Variants in ISY1 observed in about 807,000 individuals in gnomAD.
ISY1 encodes the protein pre-mRNA-splicing factor ISY1 homolog.
Under a neutral mutation model 54.4 loss-of-function variants are expected in ISY1, and 12 were observed. The observed-to-expected ratio is 0.22, with a 90% CI of 0.14 to 0.36. The LOEUF (loss-of-function observed/expected upper bound fraction) is 0.36. ISY1 is among the 10% of genes least tolerant of loss of function. The pLI is 1.00. For synonymous variants in ISY1, 96 were observed against 117.9 expected, an observed-to-expected ratio of 0.81 and a Z score of 1.20; for missense variants, 282 against 342.2, an observed-to-expected ratio of 0.82 and a Z score of 1.39.
chr3:129,145,214 G>A (rs1936732103), intron 6 of ISY1, among the ~76,000 whole-genome samples: 1 of 136,786 alleles, frequency 7.3e-6, no homozygotes, highest in South Asian at 2.5e-4. Flanking sequence ...CCCAGTGAAG[G>A]ACCATAGTCA....
chr3:129,132,171 C>T (rs1936255263), intron 9 of ISY1, among the ~76,000 whole-genome samples: 1 of 152,054 alleles, frequency 6.6e-6, no homozygotes, highest in Non-Finnish European at 1.5e-5. Context: ...TGGATCTCCA[C>T]ACATGGAGAC....
chr3:129,158,083 T>A (rs1041086490), intron 3 of ISY1, among the ~76,000 whole-genome samples: 1 of 151,670 alleles, frequency 6.6e-6, no homozygotes, highest in Non-Finnish European at 1.5e-5. Context: ...GGCCTCAAAC[T>A]CCTGTCCTCA....
rs11324480 is a variant in ISY1, at chr3:129,142,207, GAA to G, written c.301-1724_301-1723del. Among the ~76,000 whole-genome samples, 499 of 120,610 alleles carry G rather than the reference GAA, an allele frequency of 4.1e-3. 1 individual carries two copies. The highest frequency in any genetic ancestry group is 0.011 in the South Asian group (40 of 3,560). 79.1% of individuals were successfully genotyped at this position (120,610 alleles called of 152,430 possible). On this transcript the variant is annotated intron_variant, in intron 6 of 10. Transcript: ENST00000393295. ...GGACGACAGAGCGAGACTCTGTCTC[GAA>G]AAAAAAAAAAAAAAAGACGATTTGA...
Position 129,145,891 on chromosome 3 carries a change from TAAC to T in ISY1, c.188-21_188-19del. 1 of 1,612,774 alleles carries T rather than the reference TAAC, an allele frequency of 6.2e-7. No homozygotes were observed. Among genetic ancestry groups the T allele is most frequent in the Non-Finnish European group, 8.5e-7 (1 of 1,178,898 alleles). On this transcript the variant is annotated intron_variant, in intron 5 of 10. Transcript: ENST00000393295. The stretch of plus-strand genomic sequence containing the variant: ...TAAACCAGCTAGAAAACAAAAAGGT[TAAC>T]AATATCATTCCATAAAAATGAATGT...
At chr3:129,134,237 A>G (rs1936325474) in intron 8 of ISY1, 42 bp from the exon 9 acceptor site, 2 of 1,613,150 alleles carry the variant, frequency 1.2e-6, no homozygotes, top group Non-Finnish European at 1.7e-6. Context: ...TTGTCTCTAA[A>G]TGAGCTTTCA....
intron 3 of ISY1, among the ~76,000 whole-genome samples, chr3:129,157,212 T>C (rs143305281): frequency 6.6e-6 from 1 of 152,118 alleles, no homozygotes; most frequent in African/African-American, 2.4e-5. Flanking sequence ...TAAGAAACAA[T>C]GTCTATCAGT....
chr3:129,127,618 C>T lies in ISY1; in HGVS notation c.*2463G>A, dbSNP rs562517115. The T allele has an allele frequency of 6.6e-6, 1 of 152,218 alleles. No homozygotes were observed. Among genetic ancestry groups the T allele is most frequent in the Non-Finnish European group, 1.5e-5 (1 of 68,078 alleles). 9.4% of individuals were successfully genotyped at this position (152,218 alleles called of 1,614,324 possible). ...ACCCTCTAGGGCCTTTGGGCACAGA[C>T]AAGTAGCAAGGGCCTCTGCCAGGAA... On this transcript the variant is annotated 3_prime_UTR_variant, in exon 11 of 11. Transcript: ENST00000393295.
At chr3:129,145,150 C>CTTA (rs1281424733) in intron 6 of ISY1, among the ~76,000 whole-genome samples, 2 of 152,004 alleles carry the variant, frequency 1.3e-5, no homozygotes, top group Non-Finnish European at 2.9e-5. Flanking sequence ...TGCTCAAGGG[C>CTTA]TTATCCTGTC....
chr3:129,161,030 A>G lies in ISY1; in HGVS notation c.-55T>C. Reference sequence around the variant, plus strand: ...CCGCGGCCCCTGTCCAAGAAACTCCACAGGCCCAGAAGACGCCGACGCTCA... The same window carrying G: ...CCGCGGCCCCTGTCCAAGAAACTCCGCAGGCCCAGAAGACGCCGACGCTCA... On this transcript the variant is annotated 5_prime_UTR_variant, in exon 1 of 11. Transcript: ENST00000393295. 4.6e-6 allele frequency: 7 copies of G among 1,531,164 alleles called. No homozygotes were observed. The highest frequency in any genetic ancestry group is 6.2e-6 in the Non-Finnish European group (7 of 1,134,912). 94.8% of individuals were successfully genotyped at this position (1,531,164 alleles called of 1,614,324 possible). A position where few individuals can be genotyped will look rare whatever the true frequency, so the allele number is the denominator to read the frequency against.
intron 1 of ISY1, among the ~76,000 whole-genome samples, chr3:129,160,429 G>C (rs1395070669): frequency 2.0e-5 from 3 of 151,868 alleles, no homozygotes; most frequent in African/African-American, 7.3e-5. Flanking sequence ...ACCACAGAGA[G>C]CACACCCTCA....
Position 129,156,835 on chromosome 3 carries a change from C to G in ISY1, c.144+20G>C, listed in dbSNP as rs1937157313. On this transcript the variant is annotated intron_variant, in intron 4 of 10. Coordinates refer to ENST00000393295, the MANE Select transcript of ISY1 (RefSeq NM_020701.4). The stretch of plus-strand genomic sequence containing the variant: ...AGAGACTTGTTACTTCTACTGAAAT[C>G]AGATTTACCCAGAACATACCTGTCG... 1 of 1,608,116 alleles carries G rather than the reference C, an allele frequency of 6.2e-7. No individual in the cohort carries two copies. Among genetic ancestry groups the G allele is most frequent in the African/African-American group, 1.3e-5 (1 of 74,564 alleles).
rs139146214 is a variant in ISY1 at position 129,143,827 on chromosome 3, A to G, written c.300+1934T>C. Reference sequence around the variant, plus strand: ...TATGACATTCATACAAAAACAACGGAAGGAGAAAAAAGATAAAGAGCATAT... The same window carrying G: ...TATGACATTCATACAAAAACAACGGGAGGAGAAAAAAGATAAAGAGCATAT... On this transcript the variant is annotated intron_variant, in intron 6 of 10. Coordinates refer to ENST00000393295, the MANE Select transcript of ISY1 (RefSeq NM_020701.4). Among the ~76,000 whole-genome samples, 1,094 of 152,218 alleles carry G rather than the reference A, an allele frequency of 7.2e-3. 7 individuals carry two copies. Among genetic ancestry groups the G allele is most frequent in the African/African-American group, 0.02 (827 of 41,574 alleles).
At chr3:129,155,873 T>C (rs1282556647) in intron 5 of ISY1, among the ~76,000 whole-genome samples, 1 of 151,968 alleles carries the variant, frequency 6.6e-6, no homozygotes, top group Non-Finnish European at 1.5e-5. Flanking sequence ...AAGCATGCGC[T>C]ACCACGTCCA....
At chr3:129,144,703 C>G (rs944518035) in intron 6 of ISY1, among the ~76,000 whole-genome samples, 1 of 151,932 alleles carries the variant, frequency 6.6e-6, no homozygotes, top group Admixed American at 6.6e-5. Flanking sequence ...CCTTTGTGTG[C>G]TGGCTTGTGA....
intron 5 of ISY1, among the ~76,000 whole-genome samples, chr3:129,154,389 G>C (rs1189128153): frequency 7.5e-6 from 1 of 133,846 alleles, no homozygotes; most frequent in Non-Finnish European, 1.5e-5. Flanking sequence ...GCAGTGAGCC[G>C]AGAACTCGCC....
intron 3 of ISY1, among the ~76,000 whole-genome samples, chr3:129,157,952 C>T (rs945647822): frequency 6.6e-6 from 1 of 152,050 alleles, no homozygotes; most frequent in South Asian, 2.1e-4. Context: ...CCTCCGTCTC[C>T]AGGGCTCAAG....
intron 5 of ISY1, among the ~76,000 whole-genome samples, chr3:129,148,288 T>C (rs1385527166): frequency 6.6e-6 from 1 of 152,202 alleles, no homozygotes; most frequent in Non-Finnish European, 1.5e-5. Context: ...TACATTTCTC[T>C]TGGAGAAATA....
At chr3:129,158,393 A>C in intron 3 of ISY1, 115 bp downstream of exon 3, 1 of 1,435,444 alleles carries the variant, frequency 7.0e-7, no homozygotes, top group Non-Finnish European at 9.6e-7. Flanking sequence ...TCCTAGACTC[A>C]AGTGATCCAC....
At chr3:129,135,876 T>A (rs1936381921) in intron 7 of ISY1, among the ~76,000 whole-genome samples, 1 of 152,106 alleles carries the variant, frequency 6.6e-6, no homozygotes, top group South Asian at 2.1e-4. Context: ...AACCTATGAT[T>A]GTAAATTGCA....
Sources: gnomAD v4.1 joint callset for allele counts (sites outside exome capture counted in the v4.1 genomes callset) on GRCh38, gnomAD v4.1.1 for gene constraint, MANE v1.5 for transcripts, NCBI Gene and HGNC (gene_info 2026-07-23, HGNC 2026-07-21) for gene names.